The following CACNA2D1 variants were observed in gnomAD, a reference collection of about 807,000 sequenced individuals.
The protein encoded by CACNA2D1 is voltage-dependent calcium channel subunit alpha-2/delta-1.
In CACNA2D1, 53 loss-of-function variants were observed where a neutral mutation model predicts 171.5. The observed-to-expected ratio is 0.31, with a 90% confidence interval of 0.25 to 0.39. The LOEUF is 0.39. Ranked by LOEUF, CACNA2D1 falls within the 10% of genes least tolerant of loss-of-function variation. CACNA2D1 has a pLI of 1.00. For missense variants in CACNA2D1, 903 were observed against 1,299.8 expected, an observed-to-expected ratio of 0.69 and a Z score of 4.69; for synonymous variants, 442 against 443.1, an observed-to-expected ratio of 1.00 and a Z score of 0.03.
intron 22 of CACNA2D1, among the ~76,000 whole-genome samples, chr7:81,984,213 T>G: frequency 6.6e-6 from 1 of 151,904 alleles, no homozygotes; most frequent in African/African-American, 2.4e-5. Context: ...AAATGCAAAA[T>G]AAATAAATAA....
chr7:82,039,285 G>T (rs1056741603), intron 10 of CACNA2D1, among the ~76,000 whole-genome samples: 2 of 152,044 alleles, frequency 1.3e-5, no homozygotes, highest in African/African-American at 4.8e-5. Flanking sequence ...ATCACTGAAC[G>T]TAATTATAAG....
intron 3 of CACNA2D1, among the ~76,000 whole-genome samples, chr7:82,317,245 A>G (rs559068559): frequency 1.3e-5 from 2 of 152,320 alleles, no homozygotes; most frequent in African/African-American, 4.8e-5. Flanking sequence ...TAAATTGAGA[A>G]GTAGGAAATT....
At chr7:82,034,220 A>G (rs1803038133) in intron 11 of CACNA2D1, among the ~76,000 whole-genome samples, 1 of 152,058 alleles carries the variant, frequency 6.6e-6, no homozygotes, top group African/African-American at 2.4e-5. Context: ...TGTTGTTACC[A>G]TATTGTACAG....
chr7:82,406,234 A>G (rs1170423096), intron 1 of CACNA2D1, among the ~76,000 whole-genome samples: 2 of 152,180 alleles, frequency 1.3e-5, no homozygotes, highest in South Asian at 2.1e-4. Flanking sequence ...ATCATTTTTT[A>G]TGGCTGCATA....
At chr7:81,957,831 T>C (rs1793601225) in intron 38 of CACNA2D1, among the ~76,000 whole-genome samples, 1 of 152,128 alleles carries the variant, frequency 6.6e-6, no homozygotes, top group African/African-American at 2.4e-5. Context: ...CAAATCCTTT[T>C]AATGGCTTGA....
At chr7:82,039,974 A>T (rs192898951) in intron 10 of CACNA2D1, among the ~76,000 whole-genome samples, 1 of 152,344 alleles carries the variant, frequency 6.6e-6, no homozygotes. Flanking sequence ...TCACTGGAAG[A>T]TCTTAAGCCA....
At chr7:82,169,588 G>A (rs988793505) in intron 4 of CACNA2D1, among the ~76,000 whole-genome samples, 1 of 151,978 alleles carries the variant, frequency 6.6e-6, no homozygotes, top group African/African-American at 2.4e-5. Context: ...ACAAAGAAGT[G>A]CTAATTCTTA....
At chr7:82,131,218 TGTAACTA>T (rs1790941164) in intron 5 of CACNA2D1, among the ~76,000 whole-genome samples, 1 of 152,212 alleles carries the variant, frequency 6.6e-6, no homozygotes, top group African/African-American at 2.4e-5. Flanking sequence ...AGTATATTCT[TGTAACTA>T]ATAACTGAGT....
chr7:82,140,842 C>A lies in CACNA2D1; in HGVS notation c.355-4166G>T, dbSNP rs1483514130. ...TGGTGGCGGGCACCTGTGGTCCCAG[C>A]TGTTCGGGAGGCTGAGACAGGAGAA... On this transcript the variant is annotated intron_variant, in intron 4 of 38. Coordinates refer to ENST00000356860, the MANE Select transcript of CACNA2D1 (RefSeq NM_000722.4). Among the ~76,000 whole-genome samples, 4 of 150,464 alleles carry A rather than the reference C, an allele frequency of 2.7e-5. No homozygotes were observed. The Admixed American group carries it at 2.7e-4, about 10-fold the overall frequency.
chr7:82,369,269 G>GAC (rs1374923724), intron 1 of CACNA2D1, among the ~76,000 whole-genome samples: 3 of 151,886 alleles, frequency 2.0e-5, no homozygotes, highest in Non-Finnish European at 4.4e-5. Context: ...TTCATTAAGT[G>GAC]TTTAATGAAT....
intron 7 of CACNA2D1, among the ~76,000 whole-genome samples, chr7:82,075,231 A>C (rs1808819820): frequency 6.9e-6 from 1 of 145,496 alleles, no homozygotes; most frequent in Non-Finnish European, 1.5e-5. Flanking sequence ...AAAAAAAAAA[A>C]ACCCTTATTA....
chr7:81,951,969 G>GTTTTTTTTT (rs774805421), intron 38 of CACNA2D1, among the ~76,000 whole-genome samples: 59 of 71,888 alleles, frequency 8.2e-4, no homozygotes, highest in African/African-American at 3.3e-3. Context: ...TGTACAAAGT[G>GTTTTTTTTT]TTTTTTTTTT....
intron 12 of CACNA2D1, 140 bp downstream of exon 12, chr7:82,032,657 A>G (rs929106510): frequency 2.8e-5 from 16 of 571,004 alleles, no homozygotes; most frequent in Non-Finnish European, 4.6e-5. Context: ...ATTAGTTTAT[A>G]ATCTATGATT....
intron 3 of CACNA2D1, among the ~76,000 whole-genome samples, chr7:82,216,850 C>A (rs1801155009): frequency 7.4e-6 from 1 of 135,640 alleles, no homozygotes; most frequent in Non-Finnish European, 1.6e-5. Flanking sequence ...AATAGCTATA[C>A]ATTCTAAACT....
chr7:82,342,159 A>T lies in CACNA2D1; in HGVS notation c.178-6908T>A, dbSNP rs186391642. On this transcript the variant is annotated intron_variant, in intron 2 of 38. Transcript: ENST00000356860. ...TTTTCCCTATAACCTAGCTTTTTGAATTGGGACACTACCTTTGAAATTTTT... is the reference window on the plus strand; with the variant it reads ...TTTTCCCTATAACCTAGCTTTTTGATTTGGGACACTACCTTTGAAATTTTT... 1.5e-4 allele frequency among the ~76,000 whole-genome samples: 22 copies of T among 150,856 alleles called. 1 individual carries two copies. Among genetic ancestry groups the T allele is most frequent in the Middle Eastern group, 6.9e-3 (2 of 290 alleles).
chr7:82,074,762 G>C (rs1198886231), intron 7 of CACNA2D1, among the ~76,000 whole-genome samples: 1 of 151,896 alleles, frequency 6.6e-6, no homozygotes, highest in Non-Finnish European at 1.5e-5. Flanking sequence ...AAATAATTTT[G>C]AATTTTAATT....
chr7:82,440,617 CA>C (rs976316279), intron 1 of CACNA2D1, among the ~76,000 whole-genome samples: 13 of 151,754 alleles, frequency 8.6e-5, no homozygotes, highest in Admixed American at 5.2e-4. Context: ...ATAATCATAT[CA>C]AAATTTCCTT....
rs539774697 is a variant in CACNA2D1, at chr7:82,205,862, A to G, written c.295-35253T>C. Among the ~76,000 whole-genome samples, 225 of 152,260 alleles carry G rather than the reference A, an allele frequency of 1.5e-3. 3 individuals carry two copies. Among genetic ancestry groups the G allele is most frequent in the African/African-American group, 5.2e-3 (217 of 41,574 alleles). On this transcript the variant is annotated intron_variant, in intron 3 of 38. Transcript: ENST00000356860. ...AAAAAGACTGAACCAAGTTAAACTG[A>G]TTTGCTCCAATTATTTTTATTACAT...
At chr7:82,297,154 G>A (rs1339591564) in intron 3 of CACNA2D1, among the ~76,000 whole-genome samples, 1 of 151,592 alleles carries the variant, frequency 6.6e-6, no homozygotes, top group African/African-American at 2.4e-5. Flanking sequence ...GGCTGAGGCA[G>A]GTGAATGAAT....
Sources: allele counts gnomAD v4.1 joint callset (sites outside exome capture counted in the v4.1 genomes callset), GRCh38; gene constraint gnomAD v4.1.1; transcripts MANE v1.5; gene names NCBI Gene and HGNC (gene_info 2026-07-23, HGNC 2026-07-21).